The following HCFC1 variants were observed in gnomAD, a reference collection of about 807,000 sequenced individuals.
The protein encoded by HCFC1 is host cell factor 1.
Under a neutral mutation model 105.5 loss-of-function variants are expected in HCFC1, and 7 were observed. That is an observed-to-expected ratio of 0.07 (90% confidence interval 0.04 to 0.12). HCFC1 has a LOEUF of 0.12. Ranked by LOEUF, HCFC1 falls within the 10% of genes least tolerant of loss-of-function variation. The pLI is 1.00. For synonymous variants in HCFC1, 918 were observed against 828.1 expected (o/e 1.11, Z -1.86); for missense variants, 1,065 against 1,823.6 (o/e 0.58, Z 7.58).
intron 1 of HCFC1, chrX:153,969,687 G>A (rs1557119416): frequency 1.8e-5 from 2 of 113,133 alleles, no homozygotes; most frequent in African/African-American, 6.4e-5. Flanking sequence ...CTAGGCAGAG[G>A]CAACAACAAA....
chrX:153,955,528 G>A lies in HCFC1; in HGVS notation c.2871C>T (p.Pro957=). The A allele has an allele frequency of 1.7e-6, 2 of 1,171,644 alleles. No homozygotes were observed. Among genetic ancestry groups the A allele is most frequent in the Non-Finnish European group, 2.3e-6 (2 of 874,661 alleles). ...GTGCCGTGATCAGAGTTACCTGGGT[G>A]GGCTGGGACACGGGCTGGGGAGACA... is the stretch of plus-strand genomic sequence containing the variant. ...PTITMQPVSQ[P]TQVTLITAPS... The change falls in exon 17 of 26, where the codon CCC becomes CCT. Residue 957 remains proline, a synonymous_variant. Coordinates refer to ENST00000310441, the MANE Select transcript of HCFC1 (RefSeq NM_005334.3).
Position 153,954,845 on chromosome X carries a change from GC to G in HCFC1, c.3553del (p.Ala1185ProfsTer30). ...STTMTVMATG[A>X]PCSAGPLLGP... Reference sequence around the variant, plus strand: ...AAGGAGTGGGCCGGCCGAGCACGGGGCCCCGGTGGCCATCACAGTCATGGTG... The same window carrying G: ...AAGGAGTGGGCCGGCCGAGCACGGGGCCCGGTGGCCATCACAGTCATGGTG... On this transcript the variant is annotated frameshift_variant, in exon 17 of 26. Coordinates refer to ENST00000310441, the MANE Select transcript of HCFC1 (RefSeq NM_005334.3). LOFTEE classifies it high-confidence loss of function. The G allele has an allele frequency of 1.7e-6, 2 of 1,150,147 alleles. No individual in the cohort carries two copies. The allele number at this position is 1,150,147 out of a possible 1,213,427, so 94.8% of individuals were successfully genotyped here.
At chrX:153,950,738 C>A (rs1486257096) in intron 23 of HCFC1, 75 bp downstream of exon 23, 22 of 1,045,891 alleles carry the variant, frequency 2.1e-5, no homozygotes, top group Non-Finnish European at 2.8e-5. Flanking sequence ...TCCTATGCCC[C>A]CCCCCGGCCA....
At position 153,956,352 on chromosome X, in the gene HCFC1, C is replaced by T. The variant is rs1557114931; in HGVS notation, c.2695G>A (p.Gly899Ser). Residue 899 changes from glycine (G) to serine (S), a missense_variant, in exon 16 of 26, where the codon GGC becomes AGC. Coordinates refer to ENST00000310441, the MANE Select transcript of HCFC1 (RefSeq NM_005334.3). ...TVSTSLAGAGGHSTSASLATP... is the reference protein window; with the variant it reads ...TVSTSLAGAGSHSTSASLATP... Reference sequence around the variant, plus strand: ...GCCAGGGAAGCACTAGTGCTGTGGCCCCCCGCCCCGGCAAGGCTGGTGGAG... The same window carrying T: ...GCCAGGGAAGCACTAGTGCTGTGGCTCCCCGCCCCGGCAAGGCTGGTGGAG... 8.3e-7 allele frequency: 1 copy of T among 1,210,793 alleles called. No homozygotes were observed. The highest frequency in any genetic ancestry group is 1.7e-5 in the African/African-American group (1 of 57,482).
In HCFC1 at chrX:153,949,195, A is replaced by C; in HGVS notation, c.*152T>G. 2.1e-6 allele frequency: 1 copy of C among 477,011 alleles called. No individual in the cohort carries two copies. The allele number at this position is 477,011 out of a possible 1,213,427, so 39.3% of individuals were successfully genotyped here. A position where few individuals can be genotyped will look rare whatever the true frequency, so the allele number is the denominator to read the frequency against. ...AATGTGCTTTCTTTAGATTATTTTAAAAACAGAGAGAAAGAGAAAGGGGAG... is the reference window on the plus strand; with the variant it reads ...AATGTGCTTTCTTTAGATTATTTTACAAACAGAGAGAAAGAGAAAGGGGAG... On this transcript the variant is annotated 3_prime_UTR_variant, in exon 26 of 26. Coordinates refer to ENST00000310441, the MANE Select transcript of HCFC1 (RefSeq NM_005334.3).
intron 18 of HCFC1, chrX:153,953,216 T>C (rs782444409): frequency 4.5e-6 from 2 of 440,628 alleles, no homozygotes; most frequent in Non-Finnish European, 7.9e-6. Flanking sequence ...ATGGGCCAGC[T>C]CCAGCCCATG....
Position 153,951,334 on chromosome X carries a change from A to G in HCFC1, c.5517+16T>C. ...GACCCACCCACCTGAGGACATCAGC[A>G]CCTGGGGACACTTACGTCTGATGGG... On this transcript the variant is annotated intron_variant, in intron 22 of 25. Coordinates refer to ENST00000310441, the MANE Select transcript of HCFC1 (RefSeq NM_005334.3). 8.3e-7 allele frequency: 1 copy of G among 1,209,951 alleles called. No homozygotes were observed. Among genetic ancestry groups the G allele is most frequent in the Non-Finnish European group, 1.1e-6 (1 of 894,306 alleles).
rs782294134 is a variant in HCFC1 at position 153,970,706 on chromosome X, G to A, written c.135C>T (p.Ile45=). 1 of 1,209,957 alleles carries A rather than the reference G, an allele frequency of 8.3e-7. No homozygotes were observed. Among genetic ancestry groups the A allele is most frequent in the South Asian group, 1.8e-5 (1 of 56,812 alleles). The change falls in exon 1 of 26, where the codon ATC becomes ATT. Residue 45 remains isoleucine, a synonymous_variant. Coordinates refer to ENST00000310441, the MANE Select transcript of HCFC1 (RefSeq NM_005334.3). ...GHRAVAIKEL[I]VVFGGGNEGI... The stretch of plus-strand genomic sequence containing the variant: ...CCTCGTTGCCGCCGCCAAACACCAC[G>A]ATGAGCTCCTTGATGGCCACGGCGC...
intron 17 of HCFC1, 82 bp from the exon 18 acceptor site, chrX:153,953,852 C>A: frequency 9.7e-7 from 1 of 1,035,691 alleles, no homozygotes. Context: ...GCTTCCTCTA[C>A]CACCAAGGGG....
In HCFC1 at chrX:153,955,057, C is replaced by T. The variant is rs868910589; in HGVS notation, c.3342G>A (p.Thr1114=). The change falls in exon 17 of 26, where the codon ACG becomes ACA. Residue 1114 remains threonine, a synonymous_variant. Coordinates refer to ENST00000310441, the MANE Select transcript of HCFC1 (RefSeq NM_005334.3). ...CTGTAGTGGCAGTGTTGGTGGTGCCCGTCTCGTGGGTCTCGCAGGGTGGGT... is the reference window on the plus strand; with the variant it reads ...CTGTAGTGGCAGTGTTGGTGGTGCCTGTCTCGTGGGTCTCGCAGGGTGGGT... The part of the protein sequence containing the change: ...CSNPPCETHE[T]GTTNTATTAM... 4.1e-6 allele frequency: 5 copies of T among 1,209,085 alleles called. No homozygotes were observed. Among genetic ancestry groups the T allele is most frequent in the South Asian group, 1.8e-5 (1 of 56,858 alleles).
Position 153,959,879 on chromosome X carries a change from G to A in HCFC1, c.1367C>T (p.Pro456Leu). The change falls in exon 8 of 26, where the codon CCG (proline) becomes CTG (leucine). Residue 456 changes from proline to leucine, a missense_variant. Around this residue, in one of 17 missense-constraint regions of HCFC1, gnomAD observed 101 missense variants for 155.1 expected, o/e 0.65. Coordinates refer to ENST00000310441, the MANE Select transcript of HCFC1 (RefSeq NM_005334.3). ...CAAGACCTGGATGGTGGTGGTGGTC[G>A]GGGGTGCGGGGGCAGCCTGGGGCAG... ...TLLPQAAPAP[P>L]TTTTIQVLPT... The A allele has an allele frequency of 3.3e-6, 4 of 1,196,823 alleles. No individual in the cohort carries two copies. The highest frequency in any genetic ancestry group is 4.5e-6 in the Non-Finnish European group (4 of 885,872).
At chrX:153,967,247 C>T (rs2065481418) in intron 1 of HCFC1, among the ~76,000 whole-genome samples, 2 of 112,152 alleles carry the variant, frequency 1.8e-5, no homozygotes, top group Admixed American at 9.4e-5. Flanking sequence ...CCTTGGGCCC[C>T]TCATCCTGGA....
intron 3 of HCFC1, among the ~76,000 whole-genome samples, chrX:153,963,763 C>A (rs1407217170): frequency 8.9e-6 from 1 of 112,891 alleles, no homozygotes; most frequent in Non-Finnish European, 1.9e-5. Context: ...TACCTCCAGA[C>A]AGAGAGTCCT....
chrX:153,953,845 T>C, intron 17 of HCFC1, 75 bp from the exon 18 acceptor site: 2 of 1,049,648 alleles, frequency 1.9e-6, no homozygotes, highest in Non-Finnish European at 2.6e-6. Flanking sequence ...ACCACAGGCT[T>C]CCTCTACCAC....
At chrX:153,957,625 G>A (rs1285351851) in intron 12 of HCFC1, 92 bp from the exon 13 acceptor site, 1 of 855,694 alleles carries the variant, frequency 1.2e-6, no homozygotes, top group Non-Finnish European at 1.7e-6. Context: ...TGGCGGCTCA[G>A]GGAATGTTCT....
intron 10 of HCFC1, 32 bp from the exon 11 acceptor site, chrX:153,958,281 G>A (rs1603296725): frequency 5.4e-6 from 6 of 1,116,705 alleles, no homozygotes; most frequent in Middle Eastern, 2.5e-4. Context: ...GACAGGCCAG[G>A]CAAAGAAAGC....
rs782374461 is a variant in HCFC1, at chrX:153,970,845, C to T, written c.-5G>A. On this transcript the variant is annotated 5_prime_UTR_variant, in exon 1 of 26. Transcript: ENST00000310441. ...GGGCGACACGGCCGAAGCCATAGTT[C>T]CGGGAAAGGGTGCGGTGGGGAGAAG... 6 of 1,149,826 alleles carry T rather than the reference C, an allele frequency of 5.2e-6. No homozygotes were observed. The highest frequency in any genetic ancestry group is 6.9e-6 in the Non-Finnish European group (6 of 867,318). The allele number at this position is 1,149,826 out of a possible 1,213,427, so 94.8% of individuals were successfully genotyped here.
Position 153,960,356 on chromosome X carries a change from A to T in HCFC1, c.963T>A (p.Ala321=). The part of the protein sequence containing the change: ...MDTLEDNIPR[A]RAGHCAVAIN... ...TGGCGACTGCGCAGTGGCCAGCCCG[A>T]GCACGGGGGATGTTGTCCTCCAGTG... The change falls in exon 7 of 26, where the codon GCT becomes GCA. Residue 321 remains alanine (A), a synonymous_variant. Transcript: ENST00000310441. 8.3e-7 allele frequency: 1 copy of T among 1,207,034 alleles called. No homozygotes were observed. The highest frequency in any genetic ancestry group is 1.1e-6 in the Non-Finnish European group (1 of 893,126).
rs2065278633 is a variant in HCFC1 at position 153,948,630 on chromosome X, C to T, written c.*717G>A. The T allele has an allele frequency of 8.8e-6, 1 of 113,551 alleles. No individual in the cohort carries two copies. The highest frequency in any genetic ancestry group is 1.9e-5 in the Non-Finnish European group (1 of 53,408). 9.4% of individuals were successfully genotyped at this position (113,551 alleles called of 1,213,427 possible). ...AAGTGTGAACTTCACCAATTGCAAC[C>T]TAAAAAACACAACAAATGCAGCAGT... is the stretch of plus-strand genomic sequence containing the variant. On this transcript the variant is annotated 3_prime_UTR_variant, in exon 26 of 26. Coordinates refer to ENST00000310441, the MANE Select transcript of HCFC1 (RefSeq NM_005334.3).
Sources: allele counts gnomAD v4.1 joint callset (sites outside exome capture counted in the v4.1 genomes callset), GRCh38; gene constraint gnomAD v4.1.1; regional missense constraint gnomAD v4.1.1; transcripts MANE v1.5; gene names NCBI Gene and HGNC (gene_info 2026-07-23, HGNC 2026-07-21).